Variants in TEAD4 observed in about 807,000 individuals in gnomAD.
TEAD4 encodes TEA domain transcription factor 4.
A neutral mutation model predicts 52.4 loss-of-function variants in TEAD4; 36 were observed. That is an observed-to-expected ratio of 0.69 (90% CI 0.53 to 0.91). TEAD4 has a LOEUF of 0.91. Among genes scored for constraint, TEAD4 ranks in the 40% least tolerant of loss-of-function variants. The probability of loss-of-function intolerance (pLI) is 0.00; values close to 1 mark genes in which losing one functional copy is unlikely to be tolerated. For missense variants in TEAD4, 508 were observed against 583.9 expected, an observed-to-expected ratio of 0.87 and a Z score of 1.34; for synonymous variants, 220 against 231.0, an observed-to-expected ratio of 0.95 and a Z score of 0.43.
intron 2 of TEAD4, among the ~76,000 whole-genome samples, chr12:2,962,346 A>ATATATAT (rs1350931012): frequency 3.0e-4 from 39 of 128,050 alleles, no homozygotes; most frequent in Admixed American, 6.3e-4. Context: ...ATATATATAT[A>ATATATAT]TTTTTTGAGA....
chr12:2,967,499 G>A (rs11062435), intron 2 of TEAD4, among the ~76,000 whole-genome samples: 99,266 of 152,094 alleles, frequency 0.65, 38,198 homozygotes, highest in Non-Finnish European at 0.86. Flanking sequence ...GAGCAATGTT[G>A]AACATATACT....
At chr12:3,005,742 G>A (rs1301624373) in intron 3 of TEAD4, among the ~76,000 whole-genome samples, 2 of 152,092 alleles carry the variant, frequency 1.3e-5, no homozygotes, top group East Asian at 1.9e-4. Context: ...CTCGTGATCC[G>A]CCTGCCTTGC....
At chr12:3,035,649 G>A (rs1205544356) in intron 10 of TEAD4, among the ~76,000 whole-genome samples, 1 of 151,918 alleles carries the variant, frequency 6.6e-6, no homozygotes, top group Non-Finnish European at 1.5e-5. Flanking sequence ...GCGAGACCCT[G>A]CCTCTACAAA....
chr12:3,014,419 A>C (rs2098262729), intron 5 of TEAD4, among the ~76,000 whole-genome samples: 1 of 152,204 alleles, frequency 6.6e-6, no homozygotes, highest in Admixed American at 6.5e-5. Flanking sequence ...GGGAGCCATA[A>C]ACTCCTTAAA....
chr12:2,959,704 C>A lies in TEAD4; in HGVS notation c.-123+223C>A. ...GCCCCTCTCCCGCTTCCCTCCTGTC[C>A]GCCCCGCGCTCCCCTCCTCGCTCCC... is the stretch of plus-strand genomic sequence containing the variant. On this transcript the variant is annotated intron_variant, in intron 1 of 12. Coordinates refer to ENST00000359864, the MANE Select transcript of TEAD4 (RefSeq NM_003213.4). This position sits in a 1 kb window ranked among gnomAD's most constrained non-coding sequence, Gnocchi z 5.1. 6.6e-6 allele frequency: 1 copy of A among 152,022 alleles called. No individual in the cohort carries two copies. The highest frequency in any genetic ancestry group is 1.5e-5 in the Non-Finnish European group (1 of 68,428). The allele number at this position is 152,022 out of a possible 1,614,324, so 9.4% of individuals were successfully genotyped here. A position where few individuals can be genotyped will look rare whatever the true frequency, so the allele number is the denominator to read the frequency against.
intron 10 of TEAD4, 134 bp from the exon 11 acceptor site, chr12:3,037,834 C>T (rs769822212): frequency 5.1e-5 from 53 of 1,041,778 alleles, no homozygotes; most frequent in African/African-American, 1.3e-4. Context: ...AGCTTTCTGG[C>T]GTCCTACTGT....
intron 3 of TEAD4, among the ~76,000 whole-genome samples, chr12:3,005,034 G>A (rs1412713660): frequency 3.3e-5 from 5 of 152,238 alleles, no homozygotes; most frequent in African/African-American, 9.6e-5. Context: ...GGAGGAGGAA[G>A]CTCCACAGAC....
At chr12:2,978,880 A>C (rs2098231967) in intron 2 of TEAD4, among the ~76,000 whole-genome samples, 1 of 151,990 alleles carries the variant, frequency 6.6e-6, no homozygotes, top group African/African-American at 2.4e-5. Context: ...CTTAAGGTTC[A>C]TCCATGTTGT....
intron 2 of TEAD4, among the ~76,000 whole-genome samples, chr12:2,961,446 G>T (rs2098215228): frequency 6.6e-6 from 1 of 152,068 alleles, no homozygotes; most frequent in South Asian, 2.1e-4. Flanking sequence ...TCCATCCTGA[G>T]GATGTGGATG....
At chr12:3,010,372 G>T (rs1414116594) in intron 3 of TEAD4, among the ~76,000 whole-genome samples, 1 of 152,256 alleles carries the variant, frequency 6.6e-6, no homozygotes, top group Non-Finnish European at 1.5e-5. Context: ...TGGGCCCATG[G>T]AGAGTGCTCA....
chr12:3,009,983 C>T (rs1413497043), intron 3 of TEAD4, among the ~76,000 whole-genome samples: 1 of 152,192 alleles, frequency 6.6e-6, no homozygotes, highest in Non-Finnish European at 1.5e-5. Flanking sequence ...TCAGCAGCTG[C>T]CTCCCACGGA....
intron 10 of TEAD4, among the ~76,000 whole-genome samples, chr12:3,030,228 G>A (rs867395551): frequency 2.6e-5 from 4 of 152,090 alleles, no homozygotes; most frequent in Non-Finnish European, 4.4e-5. Context: ...ATAGAGACAG[G>A]GTCTTGCTAT....
In TEAD4 at chr12:2,985,562, G is replaced by C. The variant is rs1164670833; in HGVS notation, c.-29-9176G>C. 3.1e-5 allele frequency among the ~76,000 whole-genome samples: 4 copies of C among 127,254 alleles called. No individual in the cohort carries two copies. In the East Asian group the frequency reaches 1.0e-3, roughly 32 times the overall value. 83.5% of individuals were successfully genotyped at this position (127,254 alleles called of 152,430 possible). A position where few individuals can be genotyped will look rare whatever the true frequency, so the allele number is the denominator to read the frequency against. ...ATTCTGTCCCCCAGGCTGGAGTGTA[G>C]TGGCACGATCTCGGCTCACTGCAAC... is the stretch of plus-strand genomic sequence containing the variant. On this transcript the variant is annotated intron_variant, in intron 2 of 12. Transcript: ENST00000359864.
At chr12:3,003,132 G>T (rs1404019757) in intron 3 of TEAD4, among the ~76,000 whole-genome samples, 1 of 152,100 alleles carries the variant, frequency 6.6e-6, no homozygotes, top group Non-Finnish European at 1.5e-5. Context: ...ACCTACAGGG[G>T]TGCAGTGTGG....
chr12:2,998,077 G>A (rs4248909), intron 3 of TEAD4, among the ~76,000 whole-genome samples: 9,447 of 152,168 alleles, frequency 0.062, 689 homozygotes, highest in Admixed American at 0.19. Context: ...GTTACCTCAT[G>A]TAAGTGGAAT....
intron 2 of TEAD4, among the ~76,000 whole-genome samples, chr12:2,988,459 C>G (rs1440657277): frequency 1.4e-5 from 2 of 143,668 alleles, no homozygotes; most frequent in African/African-American, 5.2e-5. Context: ...GCAGAGGTTG[C>G]AGTGAGCCGA....
At chr12:3,021,608 G>A (rs1033548430) in intron 9 of TEAD4, among the ~76,000 whole-genome samples, 1 of 152,146 alleles carries the variant, frequency 6.6e-6, no homozygotes, top group East Asian at 1.9e-4. Flanking sequence ...GCCGCACCCG[G>A]CTCAGACTTC....
At chr12:2,999,768 G>A (rs1282696290) in intron 3 of TEAD4, among the ~76,000 whole-genome samples, 1 of 152,156 alleles carries the variant, frequency 6.6e-6, no homozygotes, top group Non-Finnish European at 1.5e-5. Flanking sequence ...GGTGGGATTC[G>A]AACAACTTCT....
Position 3,011,519 on chromosome 12 carries a change from A to G in TEAD4, c.291+451A>G, listed in dbSNP as rs1039798412. On this transcript the variant is annotated intron_variant, in intron 4 of 12. Coordinates refer to ENST00000359864, the MANE Select transcript of TEAD4 (RefSeq NM_003213.4). ...AGTGGTAGGATTATAGGCGTGAGCC[A>G]CCACCCCCGGCCGGGTGGTCCAGTT... Among the ~76,000 whole-genome samples, 5 of 151,704 alleles carry G rather than the reference A, an allele frequency of 3.3e-5. No homozygotes were observed. In the East Asian group the frequency reaches 9.8e-4, roughly 30 times the overall value.
Sources: gnomAD v4.1 joint callset for allele counts (sites outside exome capture counted in the v4.1 genomes callset) on GRCh38, gnomAD v4.1.1 for gene constraint, Gnocchi (gnomAD v3.1) non-coding constraint, MANE v1.5 for transcripts, NCBI Gene and HGNC (gene_info 2026-07-23, HGNC 2026-07-21) for gene names.